Variants in PHF8 observed in about 807,000 individuals in gnomAD.
PHF8 encodes PHD finger protein 8, also known as histone lysine demethylase PHF8.
A neutral mutation model predicts 74.4 loss-of-function variants in PHF8; 9 were observed. The ratio of observed to expected loss-of-function variants is 0.12; its 90% CI spans 0.07 to 0.21. PHF8 has a LOEUF of 0.21. Ranked by LOEUF, PHF8 falls within the 10% of genes least tolerant of loss-of-function variation. The pLI, the probability that PHF8 is intolerant of heterozygous loss-of-function variation, is 1.00. For missense variants in PHF8, 478 were observed against 816.6 expected (o/e 0.59, Z 5.05); for synonymous variants, 311 against 316.6 (o/e 0.98, Z 0.19).
upstream of PHF8, among the ~76,000 whole-genome samples, chrX:54,047,847 C>T (rs782609221): frequency 9.0e-6 from 1 of 111,638 alleles, no homozygotes; most frequent in African/African-American, 3.3e-5. Flanking sequence ...GTGACAGGAG[C>T]TGAGACCTGA....
chrX:54,030,051 C>G (rs945374010), intron 2 of PHF8, among the ~76,000 whole-genome samples: 2 of 110,675 alleles, frequency 1.8e-5, no homozygotes, highest in Non-Finnish European at 3.8e-5. Context: ...TGGAACATTC[C>G]TGCTCTTCCT....
chrX:53,962,215 A>G (rs782413876), intron 19 of PHF8, among the ~76,000 whole-genome samples: 12 of 112,177 alleles, frequency 1.1e-4, no homozygotes, highest in African/African-American at 3.9e-4. Context: ...CTAGAAGAAC[A>G]GCTCAGCCAA....
Position 53,993,780 on chromosome X carries a change from A to C in PHF8, c.1447T>G (p.Ser483Ala). Residue 483 changes from serine to alanine, a missense_variant, in exon 13 of 22, where the codon TCA (serine) becomes GCA (alanine). Ser to Ala is a moderately conservative substitution (Grantham distance 99, BLOSUM62 1). Around this residue, in one of 9 missense-constraint regions of PHF8, gnomAD observed 153 missense variants for 164.8 expected, o/e 0.93. Coordinates refer to ENST00000338154, the MANE Select transcript of PHF8 (RefSeq NM_015107.3). ...TTTGAACCATTTTTGGAGGGCAGTG[A>C]CAGCCTGGACATGGACACTGAAGTG... ...HSTSVSMSRLSLPSKNGSKKK... is the reference protein window; with the variant it reads ...HSTSVSMSRLALPSKNGSKKK... 8.3e-7 allele frequency: 1 copy of C among 1,210,645 alleles called. No individual in the cohort carries two copies. Among genetic ancestry groups the C allele is most frequent in the South Asian group, 1.8e-5 (1 of 56,967 alleles).
At chrX:53,950,599 T>C (rs1478227919) in intron 19 of PHF8, among the ~76,000 whole-genome samples, 1 of 112,048 alleles carries the variant, frequency 8.9e-6, no homozygotes, top group Non-Finnish European at 1.9e-5. Flanking sequence ...AACATGCACA[T>C]AGAGAGCCCC....
chrX:54,037,624 G>A (rs781868915), intron 2 of PHF8, among the ~76,000 whole-genome samples: 44 of 111,986 alleles, frequency 3.9e-4, no homozygotes, highest in Non-Finnish European at 8.1e-4. Flanking sequence ...GGATAATAAA[G>A]AAATACTATG....
At chrX:54,034,248 C>G (rs1245965251) in intron 2 of PHF8, among the ~76,000 whole-genome samples, 3 of 111,483 alleles carry the variant, frequency 2.7e-5, no homozygotes, top group East Asian at 5.6e-4. Flanking sequence ...ATGGCTTAAT[C>G]AAATTCCTAA....
intron 2 of PHF8, among the ~76,000 whole-genome samples, chrX:54,029,835 A>G (rs2066325097): frequency 8.9e-6 from 1 of 112,104 alleles, no homozygotes; most frequent in Non-Finnish European, 1.9e-5. Flanking sequence ...GTTCCATCAC[A>G]TACCAATCAC....
intron 19 of PHF8, 103 bp from the exon 20 acceptor site, chrX:53,944,346 C>T: frequency 1.7e-6 from 1 of 571,574 alleles, no homozygotes; most frequent in African/African-American, 2.2e-5. Flanking sequence ...ATTGGTCTTC[C>T]TGCTTCTAGC....
intron 14 of PHF8, among the ~76,000 whole-genome samples, chrX:53,992,286 T>C (rs1000712627): frequency 3.6e-5 from 4 of 112,383 alleles, no homozygotes; most frequent in East Asian, 5.5e-4. Context: ...TGATGAACAT[T>C]TGGATGTTTC....
At chrX:54,031,028 G>C (rs782108698) in intron 2 of PHF8, among the ~76,000 whole-genome samples, 6 of 112,234 alleles carry the variant, frequency 5.3e-5, no homozygotes, top group South Asian at 3.7e-4. Flanking sequence ...TAATCTAACA[G>C]ATGAGAAATC....
At position 53,980,680 on chromosome X, in the gene PHF8, C is replaced by T. The variant is rs782491180; in HGVS notation, c.2443+4234G>A. Reference sequence around the variant, plus strand: ...AACAGTATAATAAGGTAGTCCAATACAGGATTGATATGGGAAAGAATCAAC... The same window carrying T: ...AACAGTATAATAAGGTAGTCCAATATAGGATTGATATGGGAAAGAATCAAC... On this transcript the variant is annotated intron_variant, in intron 18 of 21. Transcript: ENST00000338154. 5.3e-5 allele frequency among the ~76,000 whole-genome samples: 6 copies of T among 112,180 alleles called. No homozygotes were observed. The Admixed American group carries it at 5.7e-4, about 11-fold the overall frequency.
intron 6 of PHF8, among the ~76,000 whole-genome samples, 200 bp downstream of exon 6, chrX:54,016,395 G>A (rs782505148): frequency 9.2e-6 from 1 of 109,126 alleles, no homozygotes; most frequent in South Asian, 4.1e-4. Flanking sequence ...TCAGGAGGCT[G>A]AGGCAGGAGA....
chrX:54,013,367 C>G (rs1434682532), intron 7 of PHF8, among the ~76,000 whole-genome samples: 1 of 111,391 alleles, frequency 9.0e-6, no homozygotes, highest in East Asian at 2.8e-4. Context: ...TGACAAAATT[C>G]ATCAAATTGT....
intron 18 of PHF8, among the ~76,000 whole-genome samples, chrX:53,972,194 G>T (rs1425976951): frequency 9.2e-6 from 1 of 108,823 alleles, no homozygotes; most frequent in African/African-American, 3.4e-5. Flanking sequence ...ATAGTGGTAC[G>T]CATCTGTAGT....
intron 2 of PHF8, among the ~76,000 whole-genome samples, chrX:54,023,259 G>A (rs1333232511): frequency 9.0e-6 from 1 of 111,113 alleles, no homozygotes. Flanking sequence ...TTATAGGTGT[G>A]AGCCACCACG....
chrX:54,009,464 C>T (rs868934855), intron 8 of PHF8, among the ~76,000 whole-genome samples: 1 of 108,856 alleles, frequency 9.2e-6, no homozygotes, highest in African/African-American at 3.3e-5. Flanking sequence ...CAAAATAAAC[C>T]CAAAGCAAGC....
At position 53,940,391 on chromosome X, in the gene PHF8, T is replaced by C. The variant is rs148455331; in HGVS notation, c.2775A>G (p.Thr925=). Residue 925 remains threonine, a synonymous_variant, in exon 21 of 22, where the codon ACA becomes ACG. Transcript: ENST00000338154. ...LTVPAPTVAA[T]PQLVTSSSPL... ...GTGAGGAGGAGGTGACAAGTTGTGG[T>C]GTGGCAGCCACAGTGGGGGCTGGTA... 14 of 1,206,903 alleles carry C rather than the reference T, an allele frequency of 1.2e-5. No homozygotes were observed. The highest frequency in any genetic ancestry group is 1.3e-5 in the Non-Finnish European group (12 of 893,121).
intron 19 of PHF8, among the ~76,000 whole-genome samples, chrX:53,945,563 G>C (rs1557084958): frequency 9.1e-6 from 1 of 110,392 alleles, no homozygotes. Context: ...TAATCTCCCT[G>C]AACTGGCATT....
intron 18 of PHF8, among the ~76,000 whole-genome samples, chrX:53,976,067 T>C (rs923520140): frequency 2.8e-5 from 3 of 108,738 alleles, no homozygotes; most frequent in African/African-American, 6.7e-5. Context: ...TTAGTCCCAG[T>C]ACTTCGGGAG....
Sources: allele counts gnomAD v4.1 joint callset (sites outside exome capture counted in the v4.1 genomes callset), GRCh38; gene constraint gnomAD v4.1.1; regional missense constraint gnomAD v4.1.1; transcripts MANE v1.5; gene names NCBI Gene and HGNC (gene_info 2026-07-23, HGNC 2026-07-21).